Variants in PPIG observed in about 807,000 individuals in gnomAD.
PPIG encodes peptidyl-prolyl cis-trans isomerase G.
In PPIG, 26 loss-of-function variants were observed where a neutral mutation model predicts 87.9. The ratio of observed to expected loss-of-function variants is 0.30; its 90% confidence interval spans 0.22 to 0.41. The LOEUF (loss-of-function observed/expected upper bound fraction) is 0.41, where lower values mean the gene tolerates loss of function less well. PPIG is among the 10% of genes least tolerant of loss of function. The probability of loss-of-function intolerance (pLI) is 1.00; values close to 1 mark genes in which losing one functional copy is unlikely to be tolerated. For missense variants in PPIG, 722 were observed against 879.4 expected (o/e 0.82, Z 2.26); for synonymous variants, 308 against 276.5 (o/e 1.11, Z -1.13).
intron 7 of PPIG, among the ~76,000 whole-genome samples, chr2:169,613,523 A>AGGTT (rs1685543047): frequency 6.6e-6 from 1 of 152,182 alleles, no homozygotes; most frequent in Non-Finnish European, 1.5e-5. Context: ...CATAGCTTTA[A>AGGTT]GGTTGATGGT....
chr2:169,597,465 T>C (rs1685049903), intron 1 of PPIG, among the ~76,000 whole-genome samples: 1 of 150,996 alleles, frequency 6.6e-6, no homozygotes, highest in Non-Finnish European at 1.5e-5. Context: ...GGCCCCACTT[T>C]CGTTTTTCTC....
intron 11 of PPIG, 142 bp downstream of exon 11, chr2:169,632,075 T>A (rs1046842345): frequency 8.6e-7 from 1 of 1,167,040 alleles, no homozygotes; most frequent in East Asian, 2.8e-5. Context: ...TCCGCAAAGT[T>A]CTTTTTTGCC....
intron 9 of PPIG, 68 bp downstream of exon 9, chr2:169,614,792 T>A: frequency 6.9e-7 from 1 of 1,441,276 alleles, no homozygotes; most frequent in East Asian, 2.4e-5. Flanking sequence ...CTCTAAATAG[T>A]TGACATGAAA....
At position 169,624,733 on chromosome 2, in the gene PPIG, G is replaced by A. The variant is rs1247721774; in HGVS notation, c.548-6041G>A. 3.9e-5 allele frequency among the ~76,000 whole-genome samples: 6 copies of A among 152,040 alleles called. No homozygotes were observed. The East Asian group carries it at 7.8e-4, about 20-fold the overall frequency. ...CTCCTGAGTAGCTAGGACTACAGGC[G>A]CCCACCACCACGCCCGGCTAATTTC... On this transcript the variant is annotated intron_variant, in intron 9 of 13. Transcript: ENST00000260970.
intron 9 of PPIG, among the ~76,000 whole-genome samples, chr2:169,624,524 G>A (rs752443231): frequency 6.6e-5 from 10 of 152,060 alleles, no homozygotes; most frequent in East Asian, 3.9e-4. Flanking sequence ...TTACCTTAAC[G>A]ATACTTACAT....
chr2:169,585,397 G>T (rs1684673282), intron 1 of PPIG, among the ~76,000 whole-genome samples: 1 of 151,190 alleles, frequency 6.6e-6, no homozygotes, highest in Admixed American at 6.6e-5. Context: ...AAGTAGCTGG[G>T]ACTACAGGCA....
At chr2:169,621,734 ATTTTT>A in intron 9 of PPIG, among the ~76,000 whole-genome samples, 1 of 144,716 alleles carries the variant, frequency 6.9e-6, no homozygotes, top group East Asian at 2.0e-4. Context: ...TTGACAACTA[ATTTTT>A]TTTTTTTTTA....
chr2:169,599,074 G>A (rs1005306430), intron 1 of PPIG, among the ~76,000 whole-genome samples: 4 of 151,942 alleles, frequency 2.6e-5, no homozygotes, highest in African/African-American at 7.2e-5. Flanking sequence ...TAAATTCCTA[G>A]AAGTGGAATT....
In PPIG at chr2:169,631,862, A is replaced by T. The variant is rs536077558; in HGVS notation, c.858A>T (p.Leu286=). Residue 286 remains leucine, a synonymous_variant, in exon 11 of 14, where the codon CTA becomes CTT. Transcript: ENST00000260970. ...CTCCTATACCTGAAAATAGATTCCT[A>T]ATGAGAAAAAGTCCTCCTAAAGCTG... ...EIPPIPENRF[L]MRKSPPKADE... is the part of the protein sequence containing the mutation. The T allele has an allele frequency of 6.2e-7, 1 of 1,613,322 alleles. No homozygotes were observed. The highest frequency in any genetic ancestry group is 1.1e-5 in the South Asian group (1 of 91,068).
intron 1 of PPIG, among the ~76,000 whole-genome samples, chr2:169,591,797 G>T (rs1014454612): frequency 1.3e-5 from 2 of 148,360 alleles, no homozygotes; most frequent in Non-Finnish European, 3.0e-5. Flanking sequence ...TTTTTTCCAA[G>T]AAAAATTTGT....
intron 7 of PPIG, among the ~76,000 whole-genome samples, chr2:169,611,959 G>A (rs1447291769): frequency 6.6e-6 from 1 of 152,080 alleles, no homozygotes; most frequent in Non-Finnish European, 1.5e-5. Flanking sequence ...GTACAATTCA[G>A]TCTTGTTTAT....
intron 7 of PPIG, 60 bp downstream of exon 7, chr2:169,608,818 C>T (rs1006290434): frequency 1.1e-5 from 13 of 1,219,068 alleles, no homozygotes; most frequent in Admixed American, 7.2e-5. Flanking sequence ...CACGGTGGCT[C>T]ATGCCTGTAA....
chr2:169,601,681 A>G (rs1226191309), intron 1 of PPIG, among the ~76,000 whole-genome samples: 2 of 152,192 alleles, frequency 1.3e-5, no homozygotes, highest in African/African-American at 4.8e-5. Context: ...CAAGCAGGAT[A>G]CCAATGTAGC....
intron 1 of PPIG, among the ~76,000 whole-genome samples, chr2:169,602,847 A>G (rs970837750): frequency 1.3e-5 from 2 of 152,196 alleles, no homozygotes; most frequent in African/African-American, 4.8e-5. Flanking sequence ...ATTAAGAGTA[A>G]AATAAGAGAA....
At chr2:169,584,526 T>G (rs1205998548) in intron 1 of PPIG, 36 bp downstream of exon 1, 4 of 469,644 alleles carry the variant, frequency 8.5e-6, no homozygotes, top group Non-Finnish European at 1.8e-5. Flanking sequence ...TCTGGCGGCG[T>G]CATTTCAGCA....
At chr2:169,627,660 G>A (rs1685926715) in intron 9 of PPIG, among the ~76,000 whole-genome samples, 1 of 145,936 alleles carries the variant, frequency 6.9e-6, no homozygotes, top group Non-Finnish European at 1.5e-5. Context: ...CCAAAGTGCT[G>A]GAATTACAGG....
chr2:169,604,289 T>G, intron 4 of PPIG, 28 bp downstream of exon 4: 1 of 1,531,212 alleles, frequency 6.5e-7, no homozygotes, highest in Non-Finnish European at 9.0e-7. Flanking sequence ...ACTGCCCTAA[T>G]AGTAGTCTCA....
At chr2:169,613,808 C>G (rs1038858733) in intron 7 of PPIG, among the ~76,000 whole-genome samples, 1 of 152,142 alleles carries the variant, frequency 6.6e-6, no homozygotes, top group African/African-American at 2.4e-5. Flanking sequence ...CACCTATAGT[C>G]CCAGCTACTT....
chr2:169,586,325 A>C (rs1684704443), intron 1 of PPIG, among the ~76,000 whole-genome samples: 1 of 152,170 alleles, frequency 6.6e-6, no homozygotes, highest in South Asian at 2.1e-4. Context: ...TAAACTTCTT[A>C]GGTTAGAAAA....
Sources: allele counts gnomAD v4.1 joint callset (sites outside exome capture counted in the v4.1 genomes callset), GRCh38; gene constraint gnomAD v4.1.1; transcripts MANE v1.5; gene names NCBI Gene and HGNC (gene_info 2026-07-23, HGNC 2026-07-21).